Variants in CSMD1 observed in about 807,000 individuals in gnomAD.
CSMD1 encodes CUB and sushi domain-containing protein 1.
A neutral mutation model predicts 417.5 loss-of-function variants in CSMD1; 213 were observed. The ratio of observed to expected loss-of-function variants is 0.51; its 90% CI spans 0.46 to 0.57. The LOEUF (loss-of-function observed/expected upper bound fraction) is 0.57. Ranked by LOEUF, CSMD1 falls within the 20% of genes least tolerant of loss-of-function variation. CSMD1 has a pLI of 0.00. For synonymous variants in CSMD1, 2,862 were observed against 1,736.8 expected (o/e 1.65, Z -16.11); for missense variants, 6,923 against 4,529.7 (o/e 1.53, Z -15.17).
chr8:3,286,804 C>T (rs75595250), intron 25 of CSMD1, among the ~76,000 whole-genome samples: 17,211 of 151,984 alleles, frequency 0.11, 1,011 homozygotes, highest in Middle Eastern at 0.16. Flanking sequence ...GTTTCTTGTG[C>T]TGTGCAGAAG....
At chr8:3,807,766 C>A (rs776547603) in intron 5 of CSMD1, among the ~76,000 whole-genome samples, 2 of 152,056 alleles carry the variant, frequency 1.3e-5, no homozygotes, top group East Asian at 3.9e-4. Flanking sequence ...ATTTTTAGTT[C>A]TCTCTCTGAG....
At chr8:3,678,495 T>C (rs998930749) in intron 7 of CSMD1, among the ~76,000 whole-genome samples, 2 of 151,940 alleles carry the variant, frequency 1.3e-5, no homozygotes, top group South Asian at 2.1e-4. Context: ...GAAAAAGGAA[T>C]AAAAAGAAAT....
intron 10 of CSMD1, among the ~76,000 whole-genome samples, chr8:3,528,552 TCAAA>T (rs140749014): frequency 0.015 from 2,250 of 152,316 alleles, 30 homozygotes; most frequent in Non-Finnish European, 0.024. Context: ...ATAAAATTAA[TCAAA>T]CAAAGTGTTT....
chr8:4,242,394 C>T (rs1176432348), intron 3 of CSMD1, among the ~76,000 whole-genome samples: 5 of 152,094 alleles, frequency 3.3e-5, no homozygotes, highest in Non-Finnish European at 7.4e-5. Context: ...AAACACTTCC[C>T]CCACCCAGCA....
chr8:4,159,297 G>A lies in CSMD1; in HGVS notation c.416-127198C>T, dbSNP rs184569040. Among the ~76,000 whole-genome samples, 722 of 152,248 alleles carry A rather than the reference G, an allele frequency of 4.7e-3. 6 individuals carry two copies. The highest frequency in any genetic ancestry group is 0.016 in the African/African-American group (676 of 41,526). On this transcript the variant is annotated intron_variant, in intron 3 of 69. Coordinates refer to ENST00000635120, the MANE Select transcript of CSMD1 (RefSeq NM_033225.6). Reference sequence around the variant, plus strand: ...AGTGTAAGTTTAATTTATACCTCAAGTATTTTAAAAGCTAAATTAATGTCC... The same window carrying A: ...AGTGTAAGTTTAATTTATACCTCAAATATTTTAAAAGCTAAATTAATGTCC...
At chr8:3,815,690 G>C (rs1189749539) in intron 5 of CSMD1, among the ~76,000 whole-genome samples, 1 of 149,996 alleles carries the variant, frequency 6.7e-6, no homozygotes, top group Admixed American at 6.6e-5. Flanking sequence ...TATCAATGAT[G>C]GTGACTTTTT....
chr8:4,523,301 T>G (rs929407505), intron 2 of CSMD1, among the ~76,000 whole-genome samples: 1 of 152,198 alleles, frequency 6.6e-6, no homozygotes, highest in Non-Finnish European at 1.5e-5. Context: ...TTATCTCTTT[T>G]GCAGTTCTGA....
intron 49 of CSMD1, among the ~76,000 whole-genome samples, chr8:3,074,039 G>A (rs1046762753): frequency 4.6e-5 from 7 of 152,202 alleles, no homozygotes; most frequent in African/African-American, 1.4e-4. Flanking sequence ...GGGTGGCAGC[G>A]GGCTGCTTTC....
At chr8:3,417,497 A>T (rs1813229176) in intron 12 of CSMD1, among the ~76,000 whole-genome samples, 1 of 152,194 alleles carries the variant, frequency 6.6e-6, no homozygotes, top group Admixed American at 6.5e-5. Context: ...GTGCTATTTG[A>T]CTACCATCTG....
At chr8:3,987,680 T>C (rs1056111012) in intron 5 of CSMD1, among the ~76,000 whole-genome samples, 3 of 151,970 alleles carry the variant, frequency 2.0e-5, no homozygotes, top group African/African-American at 7.3e-5. Context: ...ACAGAGAAAA[T>C]GGATTGAAAA....
chr8:4,977,589 A>G (rs1810637694), intron 1 of CSMD1, among the ~76,000 whole-genome samples: 1 of 152,120 alleles, frequency 6.6e-6, no homozygotes. Flanking sequence ...GGTGGATCTC[A>G]CTGAAATCAC....
chr8:3,063,405 G>C (rs1462601230), intron 49 of CSMD1, among the ~76,000 whole-genome samples: 1 of 152,202 alleles, frequency 6.6e-6, no homozygotes, highest in Non-Finnish European at 1.5e-5. Flanking sequence ...CAATAGGACT[G>C]TTAAACAATA....
At chr8:3,929,157 G>A (rs942710739) in intron 5 of CSMD1, among the ~76,000 whole-genome samples, 1 of 150,212 alleles carries the variant, frequency 6.7e-6, no homozygotes, top group Non-Finnish European at 1.5e-5. Flanking sequence ...CCCTCTGGAA[G>A]GATACACTTA....
intron 10 of CSMD1, among the ~76,000 whole-genome samples, chr8:3,544,289 TAAAGA>T (rs1208457937): frequency 8.5e-5 from 13 of 152,208 alleles, no homozygotes; most frequent in Non-Finnish European, 1.8e-4. Flanking sequence ...AATTTTGCTT[TAAAGA>T]AAATAATATA....
chr8:2,982,412 T>C (rs954970665), intron 54 of CSMD1, among the ~76,000 whole-genome samples: 2 of 152,222 alleles, frequency 1.3e-5, no homozygotes, highest in African/African-American at 4.8e-5. Flanking sequence ...TCCTATTGTT[T>C]ATTCTCTTTC....
At chr8:3,019,420 C>G (rs1809158595) in intron 51 of CSMD1, among the ~76,000 whole-genome samples, 1 of 152,200 alleles carries the variant, frequency 6.6e-6, no homozygotes, top group African/African-American at 2.4e-5. Flanking sequence ...ATAAGGAATA[C>G]CAATTTTCTT....
intron 1 of CSMD1, among the ~76,000 whole-genome samples, chr8:4,696,693 C>T (rs955647113): frequency 2.1e-4 from 32 of 152,010 alleles, no homozygotes; most frequent in African/African-American, 7.2e-4. Flanking sequence ...AAGGTATGAC[C>T]CATGAAGGCA....
intron 11 of CSMD1, among the ~76,000 whole-genome samples, chr8:3,484,641 G>A (rs542836329): frequency 9.2e-5 from 14 of 152,266 alleles, no homozygotes; most frequent in African/African-American, 3.1e-4. Context: ...CATGAAGAAA[G>A]TGAAAAGACA....
Position 3,735,549 on chromosome 8 carries a change from C to G in CSMD1, c.931+18381G>C, listed in dbSNP as rs1344040863. Among the ~76,000 whole-genome samples the G allele has an allele frequency of 2.6e-5, 4 of 152,160 alleles. No homozygotes were observed. The East Asian group carries it at 7.7e-4, about 29-fold the overall frequency. On this transcript the variant is annotated intron_variant, in intron 6 of 69. Coordinates refer to ENST00000635120, the MANE Select transcript of CSMD1 (RefSeq NM_033225.6). Reference sequence around the variant, plus strand: ...TTACACAGTAAAAAGCAAATTCTGCCTTTAGAAAATATGAGTCAGCATGAC... The same window carrying G: ...TTACACAGTAAAAAGCAAATTCTGCGTTTAGAAAATATGAGTCAGCATGAC...
Sources: gnomAD v4.1 joint callset for allele counts (sites outside exome capture counted in the v4.1 genomes callset) on GRCh38, gnomAD v4.1.1 for gene constraint, MANE v1.5 for transcripts, NCBI Gene and HGNC (gene_info 2026-07-23, HGNC 2026-07-21) for gene names.